The following C1QTNF7 variants were observed in gnomAD, a reference collection of about 807,000 sequenced individuals.
C1QTNF7 encodes the protein complement C1q tumor necrosis factor-related protein 7.
A neutral mutation model predicts 19.6 loss-of-function variants in C1QTNF7; 15 were observed. That is an observed-to-expected ratio of 0.76 (90% CI 0.51 to 1.18). The LOEUF (loss-of-function observed/expected upper bound fraction) is 1.18, where lower values mean the gene tolerates loss of function less well. C1QTNF7 is among the 50% of genes most tolerant of loss of function. The pLI is 0.00. For missense variants in C1QTNF7, 324 were observed against 359.7 expected, an observed-to-expected ratio of 0.90 and a Z score of 0.80; for synonymous variants, 142 against 137.5, an observed-to-expected ratio of 1.03 and a Z score of -0.23.
At chr4:15,429,926 T>C (rs972150369) in intron 1 of C1QTNF7, among the ~76,000 whole-genome samples, 8 of 152,218 alleles carry the variant, frequency 5.3e-5, no homozygotes, top group African/African-American at 1.9e-4. Flanking sequence ...AAAAATATAC[T>C]TGGAGTCTAC....
chr4:15,389,018 T>C (rs1356454407), intron 1 of C1QTNF7, among the ~76,000 whole-genome samples: 2 of 151,976 alleles, frequency 1.3e-5, no homozygotes, highest in Non-Finnish European at 2.9e-5. Context: ...CCTGGTGGGG[T>C]GCAGGAGAGG....
chr4:15,431,241 C>T lies in C1QTNF7; in HGVS notation c.-9+3135C>T, dbSNP rs540140814. Among the ~76,000 whole-genome samples, 77 of 150,002 alleles carry T rather than the reference C, an allele frequency of 5.1e-4. 1 individual carries two copies. Among genetic ancestry groups the T allele is most frequent in the African/African-American group, 1.8e-3 (72 of 40,720 alleles). On this transcript the variant is annotated intron_variant, in intron 1 of 2. Transcript: ENST00000444304. ...CACTAAATAAAAAAGGACAAGACAG[C>T]TCTACACATATAGGTGTCAATACAG... is the stretch of plus-strand genomic sequence containing the variant.
chr4:15,403,546 A>G (rs897469835), intron 1 of C1QTNF7, among the ~76,000 whole-genome samples: 18 of 152,196 alleles, frequency 1.2e-4, no homozygotes, highest in African/African-American at 2.9e-4. Flanking sequence ...TGCCTCTGTC[A>G]TCACCTCACC....
chr4:15,346,883 T>C (rs1716736071), intron 1 of C1QTNF7, among the ~76,000 whole-genome samples: 1 of 152,180 alleles, frequency 6.6e-6, no homozygotes, highest in South Asian at 2.1e-4. Context: ...ATATTCCCAA[T>C]ACCAACACGC....
intron 1 of C1QTNF7, among the ~76,000 whole-genome samples, chr4:15,430,736 G>A (rs937510631): frequency 1.3e-5 from 2 of 151,868 alleles, no homozygotes; most frequent in African/African-American, 4.8e-5. Flanking sequence ...TGGGGGAGTG[G>A]GTAAAGAGTG....
chr4:15,387,945 T>C (rs1718403011), intron 1 of C1QTNF7, among the ~76,000 whole-genome samples: 2 of 152,100 alleles, frequency 1.3e-5, no homozygotes, highest in Non-Finnish European at 2.9e-5. Flanking sequence ...TGTCATGAAG[T>C]AAGGGAGAAG....
chr4:15,445,091 C>G lies in C1QTNF7; in HGVS notation c.*2292C>G, dbSNP rs892650148. The stretch of plus-strand genomic sequence containing the variant: ...AACCCTATCTTGCTTTCATTGTCTT[C>G]ATCTTCCTGCCATACTTTGTGCACT... On this transcript the variant is annotated 3_prime_UTR_variant, in exon 3 of 3. Transcript: ENST00000444304. The G allele has an allele frequency of 6.6e-6, 1 of 152,244 alleles. No homozygotes were observed. Among genetic ancestry groups the G allele is most frequent in the Non-Finnish European group, 1.5e-5 (1 of 68,082 alleles). 9.4% of individuals were successfully genotyped at this position (152,244 alleles called of 1,614,324 possible).
intron 1 of C1QTNF7, among the ~76,000 whole-genome samples, chr4:15,343,747 G>A (rs922470874): frequency 2.0e-5 from 3 of 152,186 alleles, no homozygotes; most frequent in Non-Finnish European, 4.4e-5. Flanking sequence ...GGTCCCTGGA[G>A]TAATACCAGT....
chr4:15,407,841 G>A (rs773767607), intron 1 of C1QTNF7, among the ~76,000 whole-genome samples: 9 of 152,202 alleles, frequency 5.9e-5, no homozygotes, highest in Middle Eastern at 3.4e-3. Context: ...CAAGAGAATC[G>A]CTTGAACCCA....
chr4:15,363,325 A>G (rs1374353008), intron 1 of C1QTNF7, among the ~76,000 whole-genome samples: 1 of 151,504 alleles, frequency 6.6e-6, no homozygotes, highest in Admixed American at 6.6e-5. Context: ...TGTTATTTTT[A>G]TTCAAGTAGA....
chr4:15,425,862 A>G (rs773402135), upstream of C1QTNF7, among the ~76,000 whole-genome samples: 13 of 151,954 alleles, frequency 8.6e-5, no homozygotes, highest in Admixed American at 1.3e-4. Context: ...GTGTGTATGT[A>G]TGTGTGTAGT....
intron 1 of C1QTNF7, among the ~76,000 whole-genome samples, chr4:15,345,872 A>G (rs28677044): frequency 6.6e-6 from 1 of 152,152 alleles, no homozygotes; most frequent in Non-Finnish European, 1.5e-5. Flanking sequence ...TATTGTTTAG[A>G]TGAGGAGAGG....
chr4:15,438,295 C>T (rs2108940407), intron 2 of C1QTNF7, among the ~76,000 whole-genome samples: 1 of 152,222 alleles, frequency 6.6e-6, no homozygotes, highest in South Asian at 2.1e-4. Flanking sequence ...ACTATATGAT[C>T]GATGAAGAGA....
At chr4:15,423,602 G>A (rs1711891614), upstream of C1QTNF7, among the ~76,000 whole-genome samples, 1 of 152,178 alleles carries the variant, frequency 6.6e-6, no homozygotes, top group Non-Finnish European at 1.5e-5. Context: ...CAGCCCTTCT[G>A]AGGAACCTAC....
intron 1 of C1QTNF7, among the ~76,000 whole-genome samples, chr4:15,375,636 T>C (rs1439009598): frequency 6.6e-6 from 1 of 152,204 alleles, no homozygotes; most frequent in African/African-American, 2.4e-5. Flanking sequence ...AATGTCCATT[T>C]TGCAAGTCCC....
At chr4:15,374,519 C>A in intron 1 of C1QTNF7, 1 of 970,386 alleles carries the variant, frequency 1.0e-6, no homozygotes, top group South Asian at 4.8e-5. Context: ...CTCGATCAAA[C>A]AATCAGGAGA....
At position 15,359,425 on chromosome 4, in the gene C1QTNF7, TA is replaced by T. The variant is rs113966167; in HGVS notation, c.13+19222del. Among the ~76,000 whole-genome samples, 32 of 152,066 alleles carry T rather than the reference TA, an allele frequency of 2.1e-4. 1 individual carries two copies. The highest frequency in any genetic ancestry group is 7.7e-4 in the African/African-American group (32 of 41,420). Reference sequence around the variant, plus strand: ...TGTCTGGGAACTCAATGGGTACAAATAAAAGAGAAGTTGATTCACACTACTT... The same window carrying T: ...TGTCTGGGAACTCAATGGGTACAAATAAAGAGAAGTTGATTCACACTACTT... On this transcript the variant is annotated intron_variant, in intron 1 of 2. Transcript: ENST00000295297.
At chr4:15,362,243 C>A (rs1180504310) in intron 1 of C1QTNF7, among the ~76,000 whole-genome samples, 1 of 152,150 alleles carries the variant, frequency 6.6e-6, no homozygotes, top group East Asian at 1.9e-4. Flanking sequence ...AAGAGCTGAC[C>A]TGGGAGGTCC....
At chr4:15,355,544 G>C (rs1717113522) in intron 1 of C1QTNF7, among the ~76,000 whole-genome samples, 1 of 151,942 alleles carries the variant, frequency 6.6e-6, no homozygotes, top group African/African-American at 2.4e-5. Flanking sequence ...CACCATTCAG[G>C]TGCTTGCTAG....
Sources: gnomAD v4.1 joint callset for allele counts (sites outside exome capture counted in the v4.1 genomes callset) on GRCh38, gnomAD v4.1.1 for gene constraint, MANE v1.5 for transcripts, NCBI Gene and HGNC (gene_info 2026-07-23, HGNC 2026-07-21) for gene names.